CATSPERT: variants seen among roughly 807,000 people sequenced by gnomAD.
CATSPERT encodes cation channel sperm-associated targeting subunit tau.
the CATSPERT span, among the ~76,000 whole-genome samples, chr2:201,538,368 T>A: frequency 6.6e-6 from 1 of 152,084 alleles, no homozygotes; most frequent in Admixed American, 6.6e-5. Flanking sequence ...CTGAATGATA[T>A]CCCATTGTAT....
chr2:201,566,452 A>T, the CATSPERT span, among the ~76,000 whole-genome samples: 1 of 147,058 alleles, frequency 6.8e-6, no homozygotes, highest in African/African-American at 2.5e-5. Context: ...GACAACATGC[A>T]GTGTTTGGTT....
the CATSPERT span, among the ~76,000 whole-genome samples, chr2:201,586,337 GAAGAA>G: frequency 6.6e-6 from 1 of 151,712 alleles, no homozygotes; most frequent in African/African-American, 2.4e-5. Flanking sequence ...TCCCAGAGAT[GAAGAA>G]AAGAAGACAA....
At chr2:201,524,794 CAAAAG>C in the CATSPERT span, among the ~76,000 whole-genome samples, 1 of 152,086 alleles carries the variant, frequency 6.6e-6, no homozygotes, top group Non-Finnish European at 1.5e-5. Context: ...GCAAACAAAA[CAAAAG>C]AGAACAGCAG....
At chr2:201,575,034 C>CAAAAAAAA in the CATSPERT span, among the ~76,000 whole-genome samples, 5 of 97,916 alleles carry the variant, frequency 5.1e-5, no homozygotes, top group African/African-American at 7.5e-5. Flanking sequence ...CACCATTTAG[C>CAAAAAAAA]AAAAAAAAAA....
At chr2:201,554,963 T>A in the CATSPERT span, 1 of 152,234 alleles carries the variant, frequency 6.6e-6, no homozygotes, top group Admixed American at 6.5e-5. Flanking sequence ...AATAGTCTTT[T>A]ATGATTAGCA....
chr2:201,504,349 T>G, the CATSPERT span, among the ~76,000 whole-genome samples: 1 of 152,214 alleles, frequency 6.6e-6, no homozygotes, highest in Non-Finnish European at 1.5e-5. Context: ...TTGACATCCA[T>G]TTTGAATACA....
chr2:201,575,306 C>G, the CATSPERT span: 1 of 1,593,122 alleles, frequency 6.3e-7, no homozygotes, highest in Non-Finnish European at 8.5e-7. Flanking sequence ...ACACTTGGAC[C>G]TCTTCAATGA....
chr2:201,536,029 G>A, the CATSPERT span: 2 of 1,612,988 alleles, frequency 1.2e-6, no homozygotes, highest in Non-Finnish European at 1.7e-6. Flanking sequence ...ACCTCTGATA[G>A]AGATGAGTCT....
chr2:201,612,620 G>A, the CATSPERT span, among the ~76,000 whole-genome samples: 8 of 148,116 alleles, frequency 5.4e-5, no homozygotes, highest in African/African-American at 1.5e-4. Flanking sequence ...CCAAATAGGA[G>A]CAGCTCCCGT....
At chr2:201,525,788 AT>A in the CATSPERT span, among the ~76,000 whole-genome samples, 1 of 152,208 alleles carries the variant, frequency 6.6e-6, no homozygotes, top group South Asian at 2.1e-4. Context: ...AGGGAACATT[AT>A]CATCAACTCC....
At chr2:201,548,830 A>G in the CATSPERT span, among the ~76,000 whole-genome samples, 1 of 152,180 alleles carries the variant, frequency 6.6e-6, no homozygotes, top group African/African-American at 2.4e-5. Flanking sequence ...TAGTGTGCAG[A>G]CACAATTTGA....
chr2:201,594,756 T>G, the CATSPERT span, among the ~76,000 whole-genome samples: 1 of 152,184 alleles, frequency 6.6e-6, no homozygotes, highest in Non-Finnish European at 1.5e-5. Context: ...TACCTTTTCT[T>G]CTAGTTGATC....
chr2:201,492,535 CT>C, the CATSPERT span: 1 of 1,535,784 alleles, frequency 6.5e-7, no homozygotes, highest in African/African-American at 1.4e-5. Context: ...TATTGAGACA[CT>C]TTTAGTCCTT....
At chr2:201,515,455 G>A in the CATSPERT span, among the ~76,000 whole-genome samples, 5 of 151,700 alleles carry the variant, frequency 3.3e-5, no homozygotes, top group Middle Eastern at 3.4e-3. Context: ...GGCTGGTCTC[G>A]AACTCCTGAC....
chr2:201,565,708 T>A, the CATSPERT span: 40,673 of 656,090 alleles, frequency 0.062, 276 homozygotes, highest in African/African-American at 0.08. Flanking sequence ...CTTTTGAATT[T>A]TTTTTTTTTT....
chr2:201,495,957 G>A, the CATSPERT span: 2 of 1,586,418 alleles, frequency 1.3e-6, no homozygotes, highest in Non-Finnish European at 1.7e-6. Context: ...TATTCTTTTG[G>A]TGAAAAAGCC....
chr2:201,592,745 C>A, the CATSPERT span, among the ~76,000 whole-genome samples: 1 of 152,148 alleles, frequency 6.6e-6, no homozygotes, highest in Non-Finnish European at 1.5e-5. Flanking sequence ...TCCATTTCTT[C>A]TAGATTTTCT....
chr2:201,530,104 C>A, the CATSPERT span, among the ~76,000 whole-genome samples: 1 of 151,964 alleles, frequency 6.6e-6, no homozygotes, highest in Non-Finnish European at 1.5e-5. Context: ...AAGAATGATA[C>A]GTGTTGGCAA....
At chr2:201,507,067 A>G in the CATSPERT span, among the ~76,000 whole-genome samples, 12 of 152,220 alleles carry the variant, frequency 7.9e-5, no homozygotes, top group Admixed American at 3.3e-4. Context: ...AGGTAGAAAT[A>G]TTAGAAGTCA....
Sources: gnomAD v4.1 joint callset for allele counts (sites outside exome capture counted in the v4.1 genomes callset) on GRCh38, gnomAD v4.1.1 for gene constraint, MANE v1.5 for transcripts, NCBI Gene and HGNC (gene_info 2026-07-23, HGNC 2026-07-21) for gene names.